The following HSPE1 variants were observed in gnomAD, a reference collection of about 807,000 sequenced individuals.
The protein encoded by HSPE1 is heat shock protein family E (Hsp10) member 1, also known as 10 kDa heat shock protein, mitochondrial.
HSPE1 carries 1 observed loss-of-function variant against 13.2 expected under a neutral mutation model. The observed-to-expected ratio is 0.08, with a 90% CI of 0.03 to 0.36. The LOEUF is 0.36. HSPE1 is among the 10% of genes least tolerant of loss of function. The pLI, the probability that HSPE1 is intolerant of heterozygous loss-of-function variation, is 0.99. For synonymous variants in HSPE1, 44 were observed against 42.0 expected, an observed-to-expected ratio of 1.05 and a Z score of -0.19; for missense variants, 73 against 118.7, an observed-to-expected ratio of 0.62 and a Z score of 1.79.
Position 197,502,368 on chromosome 2 carries a change from C to G in HSPE1, c.169-671C>G, listed in dbSNP as rs1326001605. 2.0e-5 allele frequency among the ~76,000 whole-genome samples: 3 copies of G among 152,294 alleles called. No homozygotes were observed. The East Asian group carries it at 5.8e-4, about 29-fold the overall frequency. The stretch of plus-strand genomic sequence containing the variant: ...GCACACCTCTGTTTTAGATGTTCCT[C>G]AGTTAATTGTTTAGGCCTCGGGCTT... On this transcript the variant is annotated intron_variant, in intron 2 of 3. Transcript: ENST00000233893.
In HSPE1 at chr2:197,500,879, T is replaced by C; in HGVS notation, c.4-195T>C. On this transcript the variant is annotated intron_variant, in intron 1 of 3. Coordinates refer to ENST00000233893, the MANE Select transcript of HSPE1 (RefSeq NM_002157.3). ...TCACCGGAGGAGCGACAACGACCCC[T>C]AACAGACGTAAGGAATCGGGAATTA... 4.4e-6 allele frequency: 3 copies of C among 676,364 alleles called. No homozygotes were observed. In the South Asian group the frequency reaches 6.4e-5, roughly 14 times the overall value. 41.9% of individuals were successfully genotyped at this position (676,364 alleles called of 1,614,324 possible). A position where few individuals can be genotyped will look rare whatever the true frequency, so the allele number is the denominator to read the frequency against.
At position 197,501,153 on chromosome 2, in the gene HSPE1, A is replaced by G. The variant is rs2086249397; in HGVS notation, c.83A>G (p.Lys28Arg). ...AGGAGTGCTGCTGAAACTGTAACCA[A>G]AGGAGGCATTATGCTTCCAGAAAAA... ...VERSAAETVT[K>R]GGIMLPEKSQ... Residue 28 changes from lysine (K) to arginine (R), a missense_variant, in exon 2 of 4, where the codon AAA (lysine) becomes AGA (arginine). By Grantham distance (26) the Lys-to-Arg change is conservative. Coordinates refer to ENST00000233893, the MANE Select transcript of HSPE1 (RefSeq NM_002157.3). 6.2e-7 allele frequency: 1 copy of G among 1,614,188 alleles called. No homozygotes were observed. Among genetic ancestry groups the G allele is most frequent in the Non-Finnish European group, 8.5e-7 (1 of 1,180,008 alleles).
intron 1 of HSPE1, chr2:197,500,721 T>A (rs557286362): frequency 1.7e-6 from 1 of 595,220 alleles, no homozygotes; most frequent in South Asian, 2.0e-5. Flanking sequence ...ATGTGTAATA[T>A]CTTGGGTAAA....
At chr2:197,500,733 A>G (rs2086241719) in intron 1 of HSPE1, 1 of 589,964 alleles carries the variant, frequency 1.7e-6, no homozygotes, top group South Asian at 2.1e-5. Context: ...TTGGGTAAAA[A>G]TCATGGTGCC....
rs146997037 is a variant in HSPE1, at chr2:197,502,265, A to G, written c.169-774A>G. Among the ~76,000 whole-genome samples, 7 of 152,310 alleles carry G rather than the reference A, an allele frequency of 4.6e-5. No homozygotes were observed. In the East Asian group the frequency reaches 9.6e-4, roughly 21 times the overall value. On this transcript the variant is annotated intron_variant, in intron 2 of 3. Coordinates refer to ENST00000233893, the MANE Select transcript of HSPE1 (RefSeq NM_002157.3). The stretch of plus-strand genomic sequence containing the variant: ...TTTTGCAATTTTTTTTAAGCTTACC[A>G]GCTACTGCTAATGTTAGTGTATTTT...
intron 2 of HSPE1, 115 bp from the exon 3 acceptor site, chr2:197,502,924 T>G: frequency 1.5e-6 from 1 of 660,844 alleles, no homozygotes; most frequent in Non-Finnish European, 2.7e-6. Flanking sequence ...AAATATATTT[T>G]TAATATAATT....
intron 2 of HSPE1, among the ~76,000 whole-genome samples, chr2:197,502,198 G>A (rs938938758): frequency 1.3e-5 from 2 of 152,098 alleles, no homozygotes; most frequent in Non-Finnish European, 1.5e-5. Flanking sequence ...TCTGAATGCC[G>A]CCTAACGCAA....
intron 2 of HSPE1, among the ~76,000 whole-genome samples, chr2:197,502,465 G>T (rs2086269335): frequency 6.6e-6 from 1 of 152,156 alleles, no homozygotes; most frequent in African/African-American, 2.4e-5. Context: ...TGTTCTAGTT[G>T]CTTCTGAGGA....
At chr2:197,501,304 G>T in intron 2 of HSPE1, 66 bp downstream of exon 2, 2 of 1,496,726 alleles carry the variant, frequency 1.3e-6, no homozygotes, top group South Asian at 1.3e-5. Flanking sequence ...AGTAATTCTG[G>T]AGTATTAAAA....
At chr2:197,501,409 C>A (rs556047288) in intron 2 of HSPE1, 171 bp downstream of exon 2, 8 of 761,290 alleles carry the variant, frequency 1.1e-5, no homozygotes, top group Non-Finnish European at 1.6e-5. Flanking sequence ...TATAAAGTTG[C>A]TTATTTTATA....
intron 1 of HSPE1, chr2:197,500,707 G>A (rs1377196925): frequency 2.3e-5 from 14 of 603,592 alleles, no homozygotes; most frequent in Admixed American, 5.9e-5. Context: ...CAGGGCCTTT[G>A]TGGATGTGTA....
chr2:197,500,654 G>A (rs1397058662), intron 1 of HSPE1: 2 of 691,402 alleles, frequency 2.9e-6, no homozygotes, highest in Non-Finnish European at 2.4e-6. Context: ...TAAGGCAGGG[G>A]GGCGAGAACC....
chr2:197,503,160 C>T (rs1330303277), intron 3 of HSPE1, 32 bp downstream of exon 3: 3 of 1,573,752 alleles, frequency 1.9e-6, no homozygotes, highest in East Asian at 4.5e-5. Flanking sequence ...AAAAAGAAGT[C>T]AGATATTTGC....
rs2086275461 is a variant in HSPE1 at position 197,503,025 on chromosome 2, C to T, written c.169-14C>T. On this transcript the variant is annotated splice_polypyrimidine_tract_variant and intron_variant, in intron 2 of 3. Transcript: ENST00000233893. ...CTAGATATCTTTGCTAATAAACATCCTTCCTTTTTTAAGGGTGGAGAGATT... is the reference window on the plus strand; with the variant it reads ...CTAGATATCTTTGCTAATAAACATCTTTCCTTTTTTAAGGGTGGAGAGATT... The T allele has an allele frequency of 6.7e-7, 1 of 1,492,184 alleles. No homozygotes were observed. 92.4% of individuals were successfully genotyped at this position (1,492,184 alleles called of 1,614,324 possible).
rs117942610 is a variant in HSPE1 at position 197,503,192 on chromosome 2, G to C, written c.259-17G>C. On this transcript the variant is annotated splice_polypyrimidine_tract_variant and intron_variant, in intron 3 of 3. Coordinates refer to ENST00000233893, the MANE Select transcript of HSPE1 (RefSeq NM_002157.3). ...TTGCAATTAGTTGTCTTAACTAATG[G>C]TTTTTTTCACTTGCAGGATTATTTC... is the stretch of plus-strand genomic sequence containing the variant. The C allele has an allele frequency of 6.2e-7, 1 of 1,603,350 alleles. No individual in the cohort carries two copies. Among genetic ancestry groups the C allele is most frequent in the South Asian group, 1.1e-5 (1 of 90,862 alleles).
Position 197,500,459 on chromosome 2 carries a change from G to A in HSPE1, c.3+20G>A, listed in dbSNP as rs765781180. On this transcript the variant is annotated intron_variant, in intron 1 of 3. Coordinates refer to ENST00000233893, the MANE Select transcript of HSPE1 (RefSeq NM_002157.3). ...GTAATGGTGAGTCCCGCGTGGCCCCGAGGCCTGCAGGCCCGGGCCTGTCTG... is the reference window on the plus strand; with the variant it reads ...GTAATGGTGAGTCCCGCGTGGCCCCAAGGCCTGCAGGCCCGGGCCTGTCTG... 1.9e-6 allele frequency: 3 copies of A among 1,593,302 alleles called. No homozygotes were observed. The highest frequency in any genetic ancestry group is 1.7e-6 in the Non-Finnish European group (2 of 1,169,990).
chr2:197,503,267 C>T lies in HSPE1; in HGVS notation c.*8C>T, dbSNP rs149263633. 1,341 of 1,578,870 alleles carry T rather than the reference C, an allele frequency of 8.5e-4. 14 individuals carry two copies. The African/African-American group carries it at 0.015, about 18-fold the overall frequency. On this transcript the variant is annotated 3_prime_UTR_variant, in exon 4 of 4. Coordinates refer to ENST00000233893, the MANE Select transcript of HSPE1 (RefSeq NM_002157.3). Reference sequence around the variant, plus strand: ...GGAAAGTACGTAGACTGAAATAAGTCACTATTGAAATGGCATCAACATGAT... The same window carrying T: ...GGAAAGTACGTAGACTGAAATAAGTTACTATTGAAATGGCATCAACATGAT...
At chr2:197,500,631 T>G in intron 1 of HSPE1, 192 bp downstream of exon 1, 1 of 796,978 alleles carries the variant, frequency 1.3e-6, no homozygotes, top group Non-Finnish European at 2.0e-6. Flanking sequence ...CACGCGCGTG[T>G]GCTGCCGGTG....
chr2:197,502,955 C>T (rs1430373029), intron 2 of HSPE1, 84 bp from the exon 3 acceptor site: 3 of 723,486 alleles, frequency 4.1e-6, no homozygotes, highest in Non-Finnish European at 7.2e-6. Flanking sequence ...GACCATGTTT[C>T]ATTAGTTGTA....
Sources: allele counts gnomAD v4.1 joint callset (sites outside exome capture counted in the v4.1 genomes callset), GRCh38; gene constraint gnomAD v4.1.1; transcripts MANE v1.5; gene names NCBI Gene and HGNC (gene_info 2026-07-23, HGNC 2026-07-21).